Variants in ARHGEF12 observed in about 807,000 individuals in gnomAD.
The protein encoded by ARHGEF12 is Rho guanine nucleotide exchange factor 12.
A neutral mutation model predicts 211.2 loss-of-function variants in ARHGEF12; 66 were observed. That is an observed-to-expected ratio of 0.31 (90% confidence interval 0.26 to 0.38). The LOEUF (loss-of-function observed/expected upper bound fraction) is 0.38. Ranked by LOEUF, ARHGEF12 falls within the 10% of genes least tolerant of loss-of-function variation. ARHGEF12 has a pLI of 1.00. For synonymous variants in ARHGEF12, 592 were observed against 638.4 expected (o/e 0.93, Z 1.09); for missense variants, 1,429 against 1,869.5 (o/e 0.76, Z 4.34).
Position 120,442,195 on chromosome 11 carries a change from G to T in ARHGEF12, c.1295G>T (p.Arg432Leu). The change falls in exon 15 of 41, where the codon CGA (arginine) becomes CTA (leucine). Residue 432 changes from arginine to leucine, a missense_variant. Physicochemically the swap from Arg to Leu is moderately radical, Grantham distance 102. Around this residue, in one of 7 missense-constraint regions of ARHGEF12, gnomAD observed 373 missense variants for 467.5 expected, o/e 0.80. Transcript: ENST00000397843. ...GAGTTTCATCAGTTCTTTCTAGATC[G>T]ATCAGCAGTAAGTTGCCAAGTTAAT... Reference protein sequence around the residue: ...FLEFHQFFLDRSAHLKVSVPD... With the variant: ...FLEFHQFFLDLSAHLKVSVPD... 1 of 1,604,288 alleles carries T rather than the reference G, an allele frequency of 6.2e-7. No individual in the cohort carries two copies. The highest frequency in any genetic ancestry group is 2.2e-5 in the East Asian group (1 of 44,658).
At chr11:120,347,694 G>A (rs1035479767) in intron 1 of ARHGEF12, among the ~76,000 whole-genome samples, 1 of 152,178 alleles carries the variant, frequency 6.6e-6, no homozygotes, top group Non-Finnish European at 1.5e-5. Flanking sequence ...GATTCAAGAT[G>A]TCGTAGATTT....
At chr11:120,374,977 C>T (rs1488779654) in intron 1 of ARHGEF12, among the ~76,000 whole-genome samples, 1 of 152,126 alleles carries the variant, frequency 6.6e-6, no homozygotes, top group Non-Finnish European at 1.5e-5. Flanking sequence ...ACAAAATCTT[C>T]AGATTTGTCA....
At chr11:120,394,524 A>G (rs1366107582) in intron 1 of ARHGEF12, among the ~76,000 whole-genome samples, 4 of 151,736 alleles carry the variant, frequency 2.6e-5, no homozygotes, top group African/African-American at 9.7e-5. Flanking sequence ...TAGAAAAAGA[A>G]GAGCAAATTA....
Position 120,353,249 on chromosome 11 carries a change from G to A in ARHGEF12, c.32+15974G>A, listed in dbSNP as rs577512497. 2.0e-5 allele frequency among the ~76,000 whole-genome samples: 3 copies of A among 152,262 alleles called. No individual in the cohort carries two copies. The East Asian group carries it at 5.8e-4, about 29-fold the overall frequency. ...GAGGTCTGTCTCAGAACCTTCATGCGAAACTCAGAATCTTGGGAAGTCCCA... is the reference window on the plus strand; with the variant it reads ...GAGGTCTGTCTCAGAACCTTCATGCAAAACTCAGAATCTTGGGAAGTCCCA... On this transcript the variant is annotated intron_variant, in intron 1 of 40. Coordinates refer to ENST00000397843, the MANE Select transcript of ARHGEF12 (RefSeq NM_015313.3).
chr11:120,426,939 C>A (rs900801272), intron 7 of ARHGEF12, among the ~76,000 whole-genome samples: 2 of 152,046 alleles, frequency 1.3e-5, no homozygotes, highest in African/African-American at 4.8e-5. Flanking sequence ...TGCAGTGGCG[C>A]AATCTCGGCT....
At chr11:120,382,870 G>A (rs1943916074) in intron 1 of ARHGEF12, among the ~76,000 whole-genome samples, 1 of 152,218 alleles carries the variant, frequency 6.6e-6, no homozygotes, top group South Asian at 2.1e-4. Flanking sequence ...GCCGGGCGAG[G>A]CGGTTCACGC....
At chr11:120,353,602 T>C (rs565025611) in intron 1 of ARHGEF12, among the ~76,000 whole-genome samples, 1 of 152,318 alleles carries the variant, frequency 6.6e-6, no homozygotes, top group Admixed American at 6.5e-5. Context: ...TAGGGATACC[T>C]GGCCCCTACC....
At chr11:120,386,753 C>T (rs1171235130) in intron 1 of ARHGEF12, among the ~76,000 whole-genome samples, 6 of 152,070 alleles carry the variant, frequency 3.9e-5, no homozygotes, top group African/African-American at 7.2e-5. Context: ...AACCTAGTCA[C>T]GAAATTATTG....
At chr11:120,368,446 G>A (rs1170686094) in intron 1 of ARHGEF12, among the ~76,000 whole-genome samples, 1 of 152,132 alleles carries the variant, frequency 6.6e-6, no homozygotes, top group African/African-American at 2.4e-5. Flanking sequence ...CCTGACCTGA[G>A]TAGCCTTTTT....
At chr11:120,429,339 G>T in intron 8 of ARHGEF12, 101 bp from the exon 9 acceptor site, 1 of 887,516 alleles carries the variant, frequency 1.1e-6, no homozygotes. Context: ...ATTGATAATT[G>T]GAGCCGAGGC....
At chr11:120,446,606 TAAACC>T (rs1946054960) in intron 17 of ARHGEF12, 98 bp downstream of exon 17, 1 of 869,338 alleles carries the variant, frequency 1.2e-6, no homozygotes, top group Non-Finnish European at 1.8e-6. Context: ...TAGCACTAGA[TAAACC>T]ATATGGTCTT....
intron 4 of ARHGEF12, among the ~76,000 whole-genome samples, chr11:120,413,925 T>C (rs1322605861): frequency 6.6e-6 from 1 of 152,238 alleles, no homozygotes; most frequent in Non-Finnish European, 1.5e-5. Context: ...CCATTTTCAT[T>C]AATATGCCCC....
At chr11:120,478,026 T>G in intron 36 of ARHGEF12, 130 bp from the exon 37 acceptor site, 1 of 677,976 alleles carries the variant, frequency 1.5e-6, no homozygotes, top group South Asian at 2.0e-5. Flanking sequence ...GTGATGTGTA[T>G]TTTTCTTAAC....
At chr11:120,349,025 G>A (rs1473532663) in intron 1 of ARHGEF12, among the ~76,000 whole-genome samples, 2 of 152,082 alleles carry the variant, frequency 1.3e-5, no homozygotes, top group Non-Finnish European at 2.9e-5. Context: ...TTTGGGTAAG[G>A]GATACCCAAT....
chr11:120,386,444 A>G (rs1380739125), intron 1 of ARHGEF12, among the ~76,000 whole-genome samples: 1 of 152,114 alleles, frequency 6.6e-6, no homozygotes, highest in Admixed American at 6.5e-5. Flanking sequence ...CGTACTATGG[A>G]GCTTTCAGTT....
At chr11:120,363,614 G>C (rs1000560248) in intron 1 of ARHGEF12, among the ~76,000 whole-genome samples, 1 of 152,192 alleles carries the variant, frequency 6.6e-6, no homozygotes, top group Non-Finnish European at 1.5e-5. Flanking sequence ...GGCAAATCAT[G>C]AAGATAGTAT....
chr11:120,426,613 G>C (rs17123906), intron 7 of ARHGEF12, among the ~76,000 whole-genome samples: 1,886 of 152,282 alleles, frequency 0.012, 34 homozygotes, highest in African/African-American at 0.043. Flanking sequence ...ATGACTTTCT[G>C]ATAGAGAGCA....
At chr11:120,419,441 C>T (rs931842554) in intron 4 of ARHGEF12, among the ~76,000 whole-genome samples, 3 of 142,690 alleles carry the variant, frequency 2.1e-5, no homozygotes, top group African/African-American at 5.3e-5. Flanking sequence ...TTTTAATACC[C>T]TAAGGTCTTG....
intron 1 of ARHGEF12, among the ~76,000 whole-genome samples, chr11:120,347,154 TCCTTCCTTCCTTCCTTCCTTC>T (rs1565416986): frequency 0.21 from 21,495 of 102,798 alleles, 2,693 homozygotes; most frequent in African/African-American, 0.28. Context: ...CTTCCTTCCT[TCCTTCCTTCCTTCCTTCCTTC>T]CTTCCTTCCT....
Sources: gnomAD v4.1 joint callset for allele counts (sites outside exome capture counted in the v4.1 genomes callset) on GRCh38, gnomAD v4.1.1 for gene constraint, gnomAD v4.1.1 regional missense constraint, MANE v1.5 for transcripts, NCBI Gene and HGNC (gene_info 2026-07-23, HGNC 2026-07-21) for gene names.